SLC9A7: variants seen among roughly 807,000 people sequenced by gnomAD.
SLC9A7 encodes sodium/hydrogen exchanger 7.
Under a neutral mutation model 52.6 loss-of-function variants are expected in SLC9A7, and 19 were observed. The observed-to-expected ratio is 0.36, with a 90% confidence interval of 0.25 to 0.53. The LOEUF (loss-of-function observed/expected upper bound fraction) is 0.53, where lower values mean the gene tolerates loss of function less well. Among genes scored for constraint, SLC9A7 ranks in the 20% least tolerant of loss-of-function variants. SLC9A7 has a pLI of 0.91. For synonymous variants in SLC9A7, 226 were observed against 252.1 expected (o/e 0.90, Z 0.98); for missense variants, 455 against 597.9 (o/e 0.76, Z 2.49).
chrX:46,637,429 T>C (rs1279028640), intron 12 of SLC9A7, among the ~76,000 whole-genome samples: 2 of 112,875 alleles, frequency 1.8e-5, no homozygotes, highest in Non-Finnish European at 3.7e-5. Flanking sequence ...CCTTATGTTA[T>C]CTTGCAAAGA....
intron 1 of SLC9A7, among the ~76,000 whole-genome samples, chrX:46,694,379 T>C (rs1944420875): frequency 9.0e-6 from 1 of 111,347 alleles, no homozygotes; most frequent in South Asian, 3.8e-4. Context: ...ATCTAGGATA[T>C]ATAAATATAT....
At chrX:46,657,463 G>C (rs762175000) in intron 7 of SLC9A7, among the ~76,000 whole-genome samples, 1 of 110,519 alleles carries the variant, frequency 9.0e-6, no homozygotes, top group South Asian at 4.0e-4. Flanking sequence ...TCAGTGTGCT[G>C]TATTCAGGAA....
intron 13 of SLC9A7, among the ~76,000 whole-genome samples, chrX:46,632,329 C>T (rs1212737540): frequency 8.9e-6 from 1 of 112,061 alleles, no homozygotes; most frequent in Admixed American, 9.4e-5. Flanking sequence ...TAGGCACTGA[C>T]TTTTGGGCTT....
rs762967691 is a variant in SLC9A7 at position 46,705,858 on chromosome X, C to T, written c.326-23323G>A. 6.3e-5 allele frequency among the ~76,000 whole-genome samples: 7 copies of T among 110,513 alleles called. No homozygotes were observed. In the Admixed American group the frequency reaches 6.7e-4, roughly 11 times the overall value. On this transcript the variant is annotated intron_variant, in intron 1 of 16. Transcript: ENST00000616978. The stretch of plus-strand genomic sequence containing the variant: ...CTCAAAAGGAAAAAAAGAGAAGATC[C>T]CTACATTATCCCATATTCCTCTACC...
chrX:46,686,342 C>G (rs1364230623), intron 1 of SLC9A7, among the ~76,000 whole-genome samples: 2 of 111,788 alleles, frequency 1.8e-5, no homozygotes, highest in Non-Finnish European at 3.8e-5. Flanking sequence ...ACACCACTAA[C>G]TCAAGGTAGA....
rs933373920 is a variant in SLC9A7, at chrX:46,601,198, G to A, written c.*5754C>T. The A allele has an allele frequency of 9.8e-5, 11 of 112,273 alleles. No homozygotes were observed. Among genetic ancestry groups the A allele is most frequent in the Admixed American group, 1.9e-4 (2 of 10,585 alleles). 9.3% of individuals were successfully genotyped at this position (112,273 alleles called of 1,213,427 possible). On this transcript the variant is annotated 3_prime_UTR_variant, in exon 17 of 17. Transcript: ENST00000616978. Reference sequence around the variant, plus strand: ...AAATCAGCTTTCTGATACACTCTTAGAACTCACAACGGGTGCACAGTAGGT... The same window carrying A: ...AAATCAGCTTTCTGATACACTCTTAAAACTCACAACGGGTGCACAGTAGGT...
Position 46,711,023 on chromosome X carries a change from G to T in SLC9A7, c.326-28488C>A, listed in dbSNP as rs752672897. ...GATTAACGTGAGCCTGACCCCAAGA[G>T]ACAGTCACCCAGGCTGCTGACGATT... On this transcript the variant is annotated intron_variant, in intron 1 of 16. Coordinates refer to ENST00000616978, the MANE Select transcript of SLC9A7 (RefSeq NM_001257291.2). 2.7e-5 allele frequency among the ~76,000 whole-genome samples: 3 copies of T among 112,948 alleles called. No individual in the cohort carries two copies. In the East Asian group the frequency reaches 8.3e-4, roughly 31 times the overall value.
At chrX:46,744,339 T>C (rs1190195898) in intron 1 of SLC9A7, among the ~76,000 whole-genome samples, 1 of 112,867 alleles carries the variant, frequency 8.9e-6, no homozygotes. Flanking sequence ...GCTGAGCTAA[T>C]TAGAACAGGG....
At chrX:46,715,554 A>C (rs1028325986) in intron 1 of SLC9A7, among the ~76,000 whole-genome samples, 6 of 111,916 alleles carry the variant, frequency 5.4e-5, no homozygotes, top group Non-Finnish European at 1.1e-4. Context: ...AATTTTTGCG[A>C]ATGTGCCCTC....
chrX:46,624,299 A>G (rs1403038706), intron 14 of SLC9A7, among the ~76,000 whole-genome samples: 1 of 111,912 alleles, frequency 8.9e-6, no homozygotes, highest in Non-Finnish European at 1.9e-5. Flanking sequence ...TGGTGTCTGA[A>G]GTGGGGACAG....
At chrX:46,628,113 T>C (rs1401635209) in intron 14 of SLC9A7, among the ~76,000 whole-genome samples, 1 of 112,434 alleles carries the variant, frequency 8.9e-6, no homozygotes, top group Non-Finnish European at 1.9e-5. Context: ...CCTGTTGATA[T>C]GGTGAAACTG....
chrX:46,747,043 G>A (rs1360299156), intron 1 of SLC9A7, among the ~76,000 whole-genome samples: 1 of 112,352 alleles, frequency 8.9e-6, no homozygotes, highest in Non-Finnish European at 1.9e-5. Context: ...GCCAGGCACA[G>A]AAAGATAAAT....
intron 1 of SLC9A7, among the ~76,000 whole-genome samples, chrX:46,727,806 T>C (rs1944968823): frequency 8.9e-6 from 1 of 112,198 alleles, no homozygotes; most frequent in African/African-American, 3.2e-5. Context: ...AAGTTTGACT[T>C]AGGCAAAAAT....
At chrX:46,734,264 C>T (rs955556205) in intron 1 of SLC9A7, among the ~76,000 whole-genome samples, 5 of 111,275 alleles carry the variant, frequency 4.5e-5, no homozygotes, top group Non-Finnish European at 3.8e-5. Flanking sequence ...CACTCACACA[C>T]ATACGTTTAA....
chrX:46,738,585 C>T (rs192261543), intron 1 of SLC9A7, among the ~76,000 whole-genome samples: 6 of 111,353 alleles, frequency 5.4e-5, no homozygotes, highest in African/African-American at 2.0e-4. Context: ...GCCTGGCCAA[C>T]GTGGCAAAAC....
chrX:46,687,209 C>G (rs905840680), intron 1 of SLC9A7, among the ~76,000 whole-genome samples: 2 of 111,670 alleles, frequency 1.8e-5, no homozygotes, highest in African/African-American at 6.5e-5. Context: ...ATTTAAATGT[C>G]TATGTTAATA....
chrX:46,634,530 T>C (rs972043315), intron 13 of SLC9A7, among the ~76,000 whole-genome samples: 1 of 111,703 alleles, frequency 9.0e-6, no homozygotes, highest in Non-Finnish European at 1.9e-5. Flanking sequence ...TATAACACCT[T>C]GAACACCATA....
chrX:46,724,172 T>G (rs1944907780), intron 1 of SLC9A7, among the ~76,000 whole-genome samples: 1 of 112,248 alleles, frequency 8.9e-6, no homozygotes, highest in South Asian at 3.7e-4. Flanking sequence ...GCTTTTTTAT[T>G]GTTAACAATC....
intron 4 of SLC9A7, among the ~76,000 whole-genome samples, chrX:46,671,354 G>A (rs1049475560): frequency 9.1e-5 from 10 of 110,435 alleles, no homozygotes; most frequent in Non-Finnish European, 1.3e-4. Context: ...TCCGCCTCCC[G>A]GGTTCATGCT....
Sources: allele counts gnomAD v4.1 joint callset (sites outside exome capture counted in the v4.1 genomes callset), GRCh38; gene constraint gnomAD v4.1.1; transcripts MANE v1.5; gene names NCBI Gene and HGNC (gene_info 2026-07-23, HGNC 2026-07-21).